GABRB2: variants seen among roughly 807,000 people sequenced by gnomAD.
GABRB2 encodes gamma-aminobutyric acid receptor subunit beta-2.
Under a neutral mutation model 54.7 loss-of-function variants are expected in GABRB2, and 16 were observed. That is an observed-to-expected ratio of 0.29 (90% CI 0.20 to 0.44). The LOEUF (loss-of-function observed/expected upper bound fraction) is 0.44. Among genes scored for constraint, GABRB2 ranks in the 20% least tolerant of loss-of-function variants. The pLI, the probability that GABRB2 is intolerant of heterozygous loss-of-function variation, is 1.00. For synonymous variants in GABRB2, 244 were observed against 233.8 expected (o/e 1.04, Z -0.40); for missense variants, 355 against 644.0 (o/e 0.55, Z 4.86).
chr5:161,385,306 C>T (rs1755590095), intron 5 of GABRB2, among the ~76,000 whole-genome samples: 1 of 152,218 alleles, frequency 6.6e-6, no homozygotes. Flanking sequence ...TGCAAAATCT[C>T]TCATAAACAT....
chr5:161,407,877 G>T (rs1756392419), intron 5 of GABRB2, among the ~76,000 whole-genome samples: 1 of 151,874 alleles, frequency 6.6e-6, no homozygotes, highest in South Asian at 2.1e-4. Context: ...ATATTATCAA[G>T]ACCCATTTAA....
At chr5:161,345,926 C>T (rs1754308791) in intron 5 of GABRB2, among the ~76,000 whole-genome samples, 1 of 152,068 alleles carries the variant, frequency 6.6e-6, no homozygotes. Context: ...CTTGCTAATC[C>T]TTTTACTTGT....
At chr5:161,377,136 T>C (rs2113477168) in intron 5 of GABRB2, among the ~76,000 whole-genome samples, 1 of 152,254 alleles carries the variant, frequency 6.6e-6, no homozygotes, top group South Asian at 2.1e-4. Flanking sequence ...TGGCAAGCTT[T>C]AAATAAGTTT....
chr5:161,359,787 C>T (rs1334597822), intron 5 of GABRB2, among the ~76,000 whole-genome samples: 1 of 152,096 alleles, frequency 6.6e-6, no homozygotes, highest in Admixed American at 6.6e-5. Context: ...TATACTTTGT[C>T]TTTAAAAAAT....
At chr5:161,493,813 T>A (rs1759147720) in intron 3 of GABRB2, among the ~76,000 whole-genome samples, 1 of 151,774 alleles carries the variant, frequency 6.6e-6, no homozygotes, top group Non-Finnish European at 1.5e-5. Context: ...ATGGACTATC[T>A]TTTTAGAATC....
chr5:161,367,880 C>T (rs2113462744), intron 5 of GABRB2, among the ~76,000 whole-genome samples: 1 of 152,130 alleles, frequency 6.6e-6, no homozygotes, highest in Middle Eastern at 3.4e-3. Context: ...GATAAATAGG[C>T]ATTCTAATGG....
chr5:161,479,953 A>G (rs903252320), intron 3 of GABRB2, among the ~76,000 whole-genome samples: 1 of 152,224 alleles, frequency 6.6e-6, no homozygotes, highest in East Asian at 1.9e-4. Flanking sequence ...AGTATCTTAT[A>G]CTACATGAGT....
rs892731269 is a variant in GABRB2 at position 161,517,400 on chromosome 5, A to G, written c.237+27827T>C. Among the ~76,000 whole-genome samples the G allele has an allele frequency of 2.0e-5, 3 of 152,228 alleles. No homozygotes were observed. In the East Asian group the frequency reaches 5.8e-4, roughly 29 times the overall value. Reference sequence around the variant, plus strand: ...TTATTTTTAAAATGTGAGCTAGATTATAAGGGTTAGCTTTCATCTCAGTTT... The same window carrying G: ...TTATTTTTAAAATGTGAGCTAGATTGTAAGGGTTAGCTTTCATCTCAGTTT... On this transcript the variant is annotated intron_variant, in intron 3 of 9. Transcript: ENST00000393959.
intron 4 of GABRB2, among the ~76,000 whole-genome samples, chr5:161,452,059 A>C (rs1757804347): frequency 6.6e-6 from 1 of 152,186 alleles, no homozygotes; most frequent in Non-Finnish European, 1.5e-5. Context: ...CAGCCAACTT[A>C]TATTTAGATT....
At chr5:161,322,594 AT>A (rs1406163534) in intron 9 of GABRB2, among the ~76,000 whole-genome samples, 1 of 152,028 alleles carries the variant, frequency 6.6e-6, no homozygotes, top group Non-Finnish European at 1.5e-5. Flanking sequence ...AGACTTAAAT[AT>A]TTTTTTCTAT....
intron 3 of GABRB2, among the ~76,000 whole-genome samples, chr5:161,484,192 T>G (rs542398418): frequency 2.6e-5 from 4 of 152,008 alleles, no homozygotes; most frequent in Non-Finnish European, 4.4e-5. Flanking sequence ...GATTATCACA[T>G]GTACTTTATA....
chr5:161,420,506 G>T (rs1368139884), intron 4 of GABRB2, among the ~76,000 whole-genome samples: 3 of 152,326 alleles, frequency 2.0e-5, no homozygotes, highest in Non-Finnish European at 4.4e-5. Context: ...TGGCCAATGG[G>T]GAGTAGAGCA....
chr5:161,437,480 G>A (rs895220828), intron 4 of GABRB2, among the ~76,000 whole-genome samples: 1 of 152,068 alleles, frequency 6.6e-6, no homozygotes, highest in African/African-American at 2.4e-5. Flanking sequence ...TTTGGGCCCT[G>A]ACTAACCAGC....
At chr5:161,340,507 C>T (rs1431511503) in intron 5 of GABRB2, among the ~76,000 whole-genome samples, 1 of 151,854 alleles carries the variant, frequency 6.6e-6, no homozygotes, top group African/African-American at 2.4e-5. Context: ...TAAAGAAACA[C>T]CCAATAAAGA....
chr5:161,531,844 C>A (rs1760473724), intron 3 of GABRB2, among the ~76,000 whole-genome samples: 1 of 150,456 alleles, frequency 6.6e-6, no homozygotes, highest in Admixed American at 6.6e-5. Context: ...TGTTTGATAA[C>A]ATACACTGCA....
intron 9 of GABRB2, among the ~76,000 whole-genome samples, chr5:161,319,931 A>T (rs1580976361): frequency 1.3e-5 from 2 of 151,632 alleles, no homozygotes; most frequent in South Asian, 2.1e-4. Flanking sequence ...GGACATGATG[A>T]ATTATATATC....
intron 5 of GABRB2, among the ~76,000 whole-genome samples, chr5:161,346,955 T>C (rs1375723944): frequency 6.6e-6 from 1 of 152,060 alleles, no homozygotes; most frequent in Non-Finnish European, 1.5e-5. Context: ...TAGACTGAAC[T>C]TGTGTTAGAA....
chr5:161,383,137 A>G (rs1268464384), intron 5 of GABRB2, among the ~76,000 whole-genome samples: 1 of 152,210 alleles, frequency 6.6e-6, no homozygotes, highest in Non-Finnish European at 1.5e-5. Context: ...TAGGAATACA[A>G]TGGTTAATAA....
intron 4 of GABRB2, among the ~76,000 whole-genome samples, chr5:161,451,203 A>G (rs997271056): frequency 5.3e-5 from 8 of 152,162 alleles, no homozygotes; most frequent in Admixed American, 3.9e-4. Context: ...CAATGACAGA[A>G]CATACAAAGC....
Sources: allele counts gnomAD v4.1 joint callset (sites outside exome capture counted in the v4.1 genomes callset), GRCh38; gene constraint gnomAD v4.1.1; transcripts MANE v1.5; gene names NCBI Gene and HGNC (gene_info 2026-07-23, HGNC 2026-07-21).